Variants in STS observed in about 807,000 individuals in gnomAD.
STS encodes the protein steroid sulfatase.
Under a neutral mutation model 26.8 loss-of-function variants are expected in STS, and 7 were observed. That is an observed-to-expected ratio of 0.26 (90% CI 0.15 to 0.49). The LOEUF (loss-of-function observed/expected upper bound fraction) is 0.49. STS is among the 20% of genes least tolerant of loss of function. The pLI, the probability that STS is intolerant of heterozygous loss-of-function variation, is 0.98. For synonymous variants in STS, 199 were observed against 189.4 expected, an observed-to-expected ratio of 1.05 and a Z score of -0.42; for missense variants, 434 against 465.6, an observed-to-expected ratio of 0.93 and a Z score of 0.63.
rs751657065 is a variant in STS, at chrX:7,325,389, C to T, written c.1132C>T (p.Arg378Cys). Residue 378 changes from arginine (R) to cysteine (C), a missense_variant, in exon 9 of 11, where the codon CGT becomes TGT. By Grantham distance (180) the Arg-to-Cys change is radical. Coordinates refer to ENST00000674429, the MANE Select transcript of STS (RefSeq NM_001320752.2). ...EGGIRVPGIL[R>C]WPRVIQAGQK... is the part of the protein sequence containing the mutation. ...AGGTATCCGGGTTCCAGGCATCCTTCGTTGGCCCAGGGTGATACAGGCTGG... is the reference window on the plus strand; with the variant it reads ...AGGTATCCGGGTTCCAGGCATCCTTTGTTGGCCCAGGGTGATACAGGCTGG... 8 of 1,211,320 alleles carry T rather than the reference C, an allele frequency of 6.6e-6. No individual in the cohort carries two copies. Among genetic ancestry groups the T allele is most frequent in the Admixed American group, 4.3e-5 (2 of 45,982 alleles).
At chrX:7,291,165 G>C (rs1228768306) in intron 7 of STS, among the ~76,000 whole-genome samples, 1 of 111,505 alleles carries the variant, frequency 9.0e-6, no homozygotes, top group Non-Finnish European at 1.9e-5. Flanking sequence ...CCTGCAATCT[G>C]AAGAGTCACT....
intron 8 of STS, among the ~76,000 whole-genome samples, chrX:7,314,094 C>G (rs1377880897): frequency 8.9e-6 from 1 of 111,852 alleles, no homozygotes; most frequent in Admixed American, 9.5e-5. Context: ...GTGGCTTATA[C>G]CTGTAATTTC....
At chrX:7,149,191 T>G (rs1932957383) in intron 1 of STS, among the ~76,000 whole-genome samples, 1 of 109,997 alleles carries the variant, frequency 9.1e-6, no homozygotes, top group African/African-American at 3.3e-5. Flanking sequence ...GCCCAGAAGT[T>G]TAAGAACTGC....
In STS at chrX:7,148,033, G is replaced by A. The variant is rs745448085; in HGVS notation, c.-184G>A. On this transcript the variant is annotated 5_prime_UTR_variant, in exon 1 of 11. Coordinates refer to ENST00000674429, the MANE Select transcript of STS (RefSeq NM_001320752.2). Reference sequence around the variant, plus strand: ...ACACAAGACCGCCCTTACTGGAGGCGGCGGCTGCACACTACCCACCCAGAA... The same window carrying A: ...ACACAAGACCGCCCTTACTGGAGGCAGCGGCTGCACACTACCCACCCAGAA... 1.3e-5 allele frequency: 15 copies of A among 1,124,513 alleles called. No individual in the cohort carries two copies. Among genetic ancestry groups the A allele is most frequent in the East Asian group, 1.1e-4 (3 of 27,213 alleles). The allele number at this position is 1,124,513 out of a possible 1,213,427, so 92.7% of individuals were successfully genotyped here.
intron 1 of STS, among the ~76,000 whole-genome samples, chrX:7,162,876 C>A (rs1411265640): frequency 6.5e-4 from 53 of 80,919 alleles, no homozygotes; most frequent in African/African-American, 2.3e-3. Context: ...GAAACCCCGT[C>A]TATACTAAAA....
Position 7,305,071 on chromosome X carries a change from G to A in STS, c.969G>A (p.Glu323=), listed in dbSNP as rs1264960625. Residue 323 remains glutamate (E), a synonymous_variant, in exon 8 of 11, where the codon GAG becomes GAA. Coordinates refer to ENST00000674429, the MANE Select transcript of STS (RefSeq NM_001320752.2). ...SVGQILNLLD[E]LRLANDTLIY... is the part of the protein sequence containing the mutation. Reference sequence around the variant, plus strand: ...GGCAGATCTTGAACCTTCTGGATGAGCTGAGATTGGCTAATGATACCCTCA... The same window carrying A: ...GGCAGATCTTGAACCTTCTGGATGAACTGAGATTGGCTAATGATACCCTCA... The A allele has an allele frequency of 1.7e-6, 2 of 1,210,954 alleles. No individual in the cohort carries two copies. The highest frequency in any genetic ancestry group is 1.1e-6 in the Non-Finnish European group (1 of 894,938).
chrX:7,207,612 C>T (rs1371102454), intron 2 of STS, among the ~76,000 whole-genome samples: 1 of 111,643 alleles, frequency 9.0e-6, no homozygotes, highest in Non-Finnish European at 1.9e-5. Context: ...GAAGGTTTCA[C>T]CATATAGTAC....
intron 8 of STS, among the ~76,000 whole-genome samples, chrX:7,323,091 A>T (rs1334121159): frequency 8.9e-6 from 1 of 111,941 alleles, no homozygotes; most frequent in Non-Finnish European, 1.9e-5. Flanking sequence ...TCCATGTAAT[A>T]ATCACGTGGA....
chrX:7,211,829 A>T (rs1170683991), intron 2 of STS, among the ~76,000 whole-genome samples: 1 of 111,383 alleles, frequency 9.0e-6, no homozygotes, highest in Non-Finnish European at 1.9e-5. Flanking sequence ...TTTATTTTTT[A>T]ATCTCAGGGC....
chrX:7,165,687 T>C (rs1356965122), intron 1 of STS, among the ~76,000 whole-genome samples: 4 of 111,639 alleles, frequency 3.6e-5, no homozygotes, highest in Non-Finnish European at 7.5e-5. Context: ...AATGCAAAGC[T>C]TCGACTTAAT....
At chrX:7,328,603 G>C (rs1204804064) in intron 9 of STS, among the ~76,000 whole-genome samples, 1 of 99,318 alleles carries the variant, frequency 1.0e-5, no homozygotes, top group Non-Finnish European at 2.0e-5. Flanking sequence ...GCCCAGGCTA[G>C]AGTGCAGTGG....
In STS at chrX:7,349,948, G is replaced by C; in HGVS notation, c.1424G>C (p.Gly475Ala). Residue 475 changes from glycine to alanine, a missense_variant, in exon 11 of 11, where the codon GGA (glycine) becomes GCA (alanine). Gly to Ala is a moderately conservative substitution (Grantham distance 60). This residue lies in a region of STS where 205 missense variants were observed against 177.3 expected (regional missense o/e 1.16). Coordinates refer to ENST00000674429, the MANE Select transcript of STS (RefSeq NM_001320752.2). ...AACTTCAACCCCGTGGGTTCCAACG[G>C]ATGCTTTGCCACACACGTGTGCTTC... ...TPNFNPVGSN[G>A]CFATHVCFCF... The C allele has an allele frequency of 8.3e-7, 1 of 1,211,560 alleles. No homozygotes were observed. The highest frequency in any genetic ancestry group is 1.1e-6 in the Non-Finnish European group (1 of 895,408).
rs1236475714 is a variant in STS, at chrX:7,265,390, CAGAAATT to C, written c.806+5620_806+5626del. Among the ~76,000 whole-genome samples the C allele has an allele frequency of 2.3e-3, 253 of 111,854 alleles. 3 individuals carry two copies. Among genetic ancestry groups the C allele is most frequent in the African/African-American group, 7.8e-3 (241 of 30,864 alleles). On this transcript the variant is annotated intron_variant, in intron 6 of 10. Coordinates refer to ENST00000674429, the MANE Select transcript of STS (RefSeq NM_001320752.2). ...TCACCTTGTATGACATGTATTTTGA[CAGAAATT>C]ATTTAATCTATTAGGTATATAAATA...
At position 7,253,275 on chromosome X, in the gene STS, C is replaced by G; in HGVS notation, c.76C>G (p.Leu26Val). The part of the protein sequence containing the change: ...SHAASRPNII[L>V]VMADDLGIGD... ...CGCAGCATCAAGGCCGAACATCATCCTGGTGATGGCTGACGACCTCGGCAT... is the reference window on the plus strand; with the variant it reads ...CGCAGCATCAAGGCCGAACATCATCGTGGTGATGGCTGACGACCTCGGCAT... Residue 26 changes from leucine (L) to valine (V), a missense_variant, in exon 3 of 11, where the codon CTG becomes GTG. Physicochemically the swap from Leu to Val is conservative, Grantham distance 32. Coordinates refer to ENST00000674429, the MANE Select transcript of STS (RefSeq NM_001320752.2). 8.3e-7 allele frequency: 1 copy of G among 1,211,555 alleles called. No homozygotes were observed. Among genetic ancestry groups the G allele is most frequent in the Non-Finnish European group, 1.1e-6 (1 of 895,320 alleles).
chrX:7,219,815 A>C, intron 2 of STS: 1 of 842,845 alleles, frequency 1.2e-6, no homozygotes, highest in Non-Finnish European at 1.7e-6. Flanking sequence ...CTTGTTTCTT[A>C]AATCTGTTTT....
intron 1 of STS, among the ~76,000 whole-genome samples, chrX:7,158,679 A>G (rs1163009305): frequency 9.0e-6 from 1 of 111,673 alleles, no homozygotes. Context: ...CTGTTTCAGG[A>G]CCATGAAAAG....
At chrX:7,166,132 T>G (rs751373134) in intron 1 of STS, among the ~76,000 whole-genome samples, 1 of 108,681 alleles carries the variant, frequency 9.2e-6, no homozygotes, top group East Asian at 3.0e-4. Flanking sequence ...CTCAGCCTTC[T>G]AAGTAGCTAG....
chrX:7,155,560 A>G (rs1289534466), intron 1 of STS, among the ~76,000 whole-genome samples: 1 of 112,226 alleles, frequency 8.9e-6, no homozygotes, highest in Non-Finnish European at 1.9e-5. Flanking sequence ...ATTGGTGTGC[A>G]TGATTTTTAT....
chrX:7,219,527 A>G, intron 2 of STS: 3 of 1,178,807 alleles, frequency 2.5e-6, no homozygotes, highest in Non-Finnish European at 3.4e-6. Flanking sequence ...ATTGAGTAGG[A>G]TTGGCCTGCT....
Sources: allele counts gnomAD v4.1 joint callset (sites outside exome capture counted in the v4.1 genomes callset), GRCh38; gene constraint gnomAD v4.1.1; regional missense constraint gnomAD v4.1.1; transcripts MANE v1.5; gene names NCBI Gene and HGNC (gene_info 2026-07-23, HGNC 2026-07-21).